Variants in KMT5B observed in about 807,000 individuals in gnomAD.
KMT5B encodes the protein histone-lysine N-methyltransferase KMT5B.
A neutral mutation model predicts 83.2 loss-of-function variants in KMT5B; 10 were observed. The observed-to-expected ratio is 0.12, with a 90% confidence interval of 0.07 to 0.20. The LOEUF (loss-of-function observed/expected upper bound fraction) is 0.20. KMT5B is among the 10% of genes least tolerant of loss of function. KMT5B has a pLI of 1.00. For missense variants in KMT5B, 753 were observed against 1,067.2 expected, an observed-to-expected ratio of 0.71 and a Z score of 4.10; for synonymous variants, 349 against 388.8, an observed-to-expected ratio of 0.90 and a Z score of 1.20.
chr11:68,202,104 G>A (rs770755775), intron 1 of KMT5B, among the ~76,000 whole-genome samples: 3 of 151,994 alleles, frequency 2.0e-5, no homozygotes, highest in Non-Finnish European at 2.9e-5. Flanking sequence ...CCTGTTAGAG[G>A]ACTTTCATAA....
intron 1 of KMT5B, among the ~76,000 whole-genome samples, chr11:68,190,743 G>A (rs919293536): frequency 6.6e-6 from 1 of 151,858 alleles, no homozygotes. Context: ...CAGCACTTTG[G>A]GGGGCCATGG....
chr11:68,192,025 A>G (rs1858144985), intron 1 of KMT5B, among the ~76,000 whole-genome samples: 2 of 152,256 alleles, frequency 1.3e-5, no homozygotes, highest in Non-Finnish European at 2.9e-5. Flanking sequence ...CAGTGACTAC[A>G]GTAGTCAGTA....
chr11:68,193,530 A>G (rs919946390), intron 1 of KMT5B, among the ~76,000 whole-genome samples: 12 of 152,034 alleles, frequency 7.9e-5, no homozygotes, highest in African/African-American at 2.7e-4. Flanking sequence ...AAATCTGATC[A>G]ATGCTAAAGA....
At chr11:68,172,500 G>T (rs1855935062) in intron 6 of KMT5B, among the ~76,000 whole-genome samples, 1 of 151,898 alleles carries the variant, frequency 6.6e-6, no homozygotes, top group Admixed American at 6.6e-5. Flanking sequence ...CTCCCAAAGT[G>T]CTGGGATTAC....
chr11:68,186,899 A>G (rs957755181), intron 2 of KMT5B, among the ~76,000 whole-genome samples: 2 of 152,250 alleles, frequency 1.3e-5, no homozygotes, highest in African/African-American at 4.8e-5. Context: ...TTGCAATCAA[A>G]TTAGTTGCAT....
chr11:68,192,581 G>T (rs191339873), intron 1 of KMT5B, among the ~76,000 whole-genome samples: 1 of 152,282 alleles, frequency 6.6e-6, no homozygotes, highest in East Asian at 1.9e-4. Context: ...GTAATGCTCT[G>T]AACTGGGTGA....
rs772536284 is a variant in KMT5B, at chr11:68,183,013, G to C, written c.308+2768C>G. 2.0e-5 allele frequency among the ~76,000 whole-genome samples: 3 copies of C among 152,110 alleles called. 1 individual carries two copies. The highest frequency in any genetic ancestry group is 4.8e-5 in the African/African-American group (2 of 41,430). ...AGCCTCCCAAAGTGCTGGGATTACA[G>C]GCGTGAGCCACCGCACCTGGCCCAT... is the stretch of plus-strand genomic sequence containing the variant. On this transcript the variant is annotated intron_variant, in intron 3 of 10. Coordinates refer to ENST00000304363, the MANE Select transcript of KMT5B (RefSeq NM_017635.5).
intron 4 of KMT5B, chr11:68,176,613 G>A (rs4930229): frequency 0.43 from 65,920 of 151,800 alleles, 15,134 homozygotes; most frequent in East Asian, 0.64. Context: ...GTGAAACCCC[G>A]TCTCTAAAAT....
intron 2 of KMT5B, among the ~76,000 whole-genome samples, chr11:68,186,770 A>T (rs1379746874): frequency 6.6e-6 from 1 of 152,246 alleles, no homozygotes; most frequent in Non-Finnish European, 1.5e-5. Flanking sequence ...TGTAACTTTC[A>T]GGCTCTCAAA....
chr11:68,195,396 G>A (rs1488164431), intron 1 of KMT5B, among the ~76,000 whole-genome samples: 2 of 152,162 alleles, frequency 1.3e-5, no homozygotes, highest in Non-Finnish European at 2.9e-5. Flanking sequence ...TCACAGGGCT[G>A]TTGTGAGGAT....
In KMT5B at chr11:68,207,146, G is replaced by A. The variant is rs562563477; in HGVS notation, c.-77+5992C>T. On this transcript the variant is annotated intron_variant, in intron 1 of 10. Coordinates refer to ENST00000304363, the MANE Select transcript of KMT5B (RefSeq NM_017635.5). ...GGAGAATGGTGTGAACCTGGGAGGC[G>A]GAGCTTGCAGTGAGCCAAGATTGCG... Among the ~76,000 whole-genome samples the A allele has an allele frequency of 4.6e-5, 7 of 151,798 alleles. No homozygotes were observed. In the East Asian group the frequency reaches 7.8e-4, roughly 17 times the overall value.
At chr11:68,166,223 C>T in intron 10 of KMT5B, 1 of 1,266,376 alleles carries the variant, frequency 7.9e-7, no homozygotes, top group Non-Finnish European at 9.9e-7. Flanking sequence ...GAAATGGTTC[C>T]AATATTTCAA....
intron 10 of KMT5B, among the ~76,000 whole-genome samples, chr11:68,160,548 C>T (rs1232976066): frequency 6.6e-6 from 1 of 152,124 alleles, no homozygotes; most frequent in Non-Finnish European, 1.5e-5. Flanking sequence ...CAAGTGAGGA[C>T]CAGGATCCTG....
At chr11:68,183,037 A>C (rs1316326410) in intron 3 of KMT5B, among the ~76,000 whole-genome samples, 1 of 151,960 alleles carries the variant, frequency 6.6e-6, no homozygotes, top group African/African-American at 2.4e-5. Context: ...CACCTGGCCC[A>C]TTGTAATTCT....
At chr11:68,204,398 A>G (rs1374588135) in intron 1 of KMT5B, among the ~76,000 whole-genome samples, 1 of 152,192 alleles carries the variant, frequency 6.6e-6, no homozygotes, top group Non-Finnish European at 1.5e-5. Context: ...ATGACTTTAT[A>G]AGAGGCAGAG....
At chr11:68,198,837 C>T in intron 1 of KMT5B, among the ~76,000 whole-genome samples, 1 of 152,188 alleles carries the variant, frequency 6.6e-6, no homozygotes, top group Non-Finnish European at 1.5e-5. Context: ...TCAAGCCATT[C>T]TCCTGCCTCA....
At chr11:68,212,749 C>A (rs912639600) in intron 1 of KMT5B, 5 of 152,174 alleles carry the variant, frequency 3.3e-5, no homozygotes, top group Non-Finnish European at 5.9e-5. Context: ...AAAACAAAAA[C>A]AAAAAGTTCA....
rs1855870817 is a variant in KMT5B at position 68,171,908 on chromosome 11, T to G, written c.654-199A>C. 6.6e-6 allele frequency among the ~76,000 whole-genome samples: 1 copy of G among 152,190 alleles called. No individual in the cohort carries two copies. ...CACAGCCTTGTGCCATGGTTACTTG[T>G]GTACCTATCTTATTCCTGCAAGAGA... On this transcript the variant is annotated intron_variant, in intron 6 of 10. Coordinates refer to ENST00000304363, the MANE Select transcript of KMT5B (RefSeq NM_017635.5). The surrounding 1 kb of genome is among the most constrained non-coding windows in gnomAD (Gnocchi z 5.1).
At chr11:68,168,001 G>A (rs950620510) in intron 9 of KMT5B, among the ~76,000 whole-genome samples, 5 of 152,038 alleles carry the variant, frequency 3.3e-5, no homozygotes, top group African/African-American at 1.2e-4. Context: ...GTGAAACCCT[G>A]TCTCTACTAA....
Sources: gnomAD v4.1 joint callset for allele counts (sites outside exome capture counted in the v4.1 genomes callset) on GRCh38, gnomAD v4.1.1 for gene constraint, Gnocchi (gnomAD v3.1) non-coding constraint, MANE v1.5 for transcripts, NCBI Gene and HGNC (gene_info 2026-07-23, HGNC 2026-07-21) for gene names.